HSPA12A: variants seen among roughly 807,000 people sequenced by gnomAD.
HSPA12A encodes heat shock protein family A (Hsp70) member 12A.
In HSPA12A, 28 loss-of-function variants were observed where a neutral mutation model predicts 69.2. That is an observed-to-expected ratio of 0.40 (90% CI 0.30 to 0.55). The LOEUF is 0.55. Ranked by LOEUF, HSPA12A falls within the 20% of genes least tolerant of loss-of-function variation. The probability of loss-of-function intolerance (pLI) is 0.38; values close to 1 mark genes in which losing one functional copy is unlikely to be tolerated. For synonymous variants in HSPA12A, 345 were observed against 370.5 expected, an observed-to-expected ratio of 0.93 and a Z score of 0.79; for missense variants, 686 against 900.7, an observed-to-expected ratio of 0.76 and a Z score of 3.05.
chr10:116,697,146 CTT>C (rs1849931208), intron 5 of HSPA12A, among the ~76,000 whole-genome samples: 1 of 152,228 alleles, frequency 6.6e-6, no homozygotes, highest in Non-Finnish European at 1.5e-5. Flanking sequence ...GTTCTCACTT[CTT>C]CTTTGTCTCC....
chr10:116,755,235 G>A (rs1843808363), intron 2 of HSPA12A, among the ~76,000 whole-genome samples: 1 of 152,142 alleles, frequency 6.6e-6, no homozygotes, highest in South Asian at 2.1e-4. Context: ...TTACAGGTGT[G>A]AGCCACTGCT....
At chr10:116,827,712 T>C (rs963591762) in intron 2 of HSPA12A, 1 of 152,324 alleles carries the variant, frequency 6.6e-6, no homozygotes, top group East Asian at 1.9e-4. Context: ...CAAGACGTCA[T>C]GAAGTGCTCC....
At chr10:116,850,722 G>A (rs1846054535), upstream of HSPA12A, among the ~76,000 whole-genome samples, 1 of 152,152 alleles carries the variant, frequency 6.6e-6, no homozygotes, top group Non-Finnish European at 1.5e-5. Context: ...AAGGGGAGAG[G>A]TGTGGGGTTT....
chr10:116,719,953 G>A (rs1424188714), intron 1 of HSPA12A, among the ~76,000 whole-genome samples: 1 of 152,178 alleles, frequency 6.6e-6, no homozygotes, highest in African/African-American at 2.4e-5. Context: ...GCAAAGAGCA[G>A]TGAAAAAGTA....
At chr10:116,850,097 G>T (rs1380300792), upstream of HSPA12A, 1 of 384,436 alleles carries the variant, frequency 2.6e-6, no homozygotes. Flanking sequence ...ATACCTTAAT[G>T]CCCTCAGCTC....
At chr10:116,745,135 C>T (rs1851620065), upstream of HSPA12A, among the ~76,000 whole-genome samples, 1 of 152,234 alleles carries the variant, frequency 6.6e-6, no homozygotes, top group Non-Finnish European at 1.5e-5. Context: ...TGCCTCGCCC[C>T]CACTGGGAAG....
Position 116,671,550 on chromosome 10 carries a change from C to T in HSPA12A, c.*3231G>A, listed in dbSNP as rs1211164420. On this transcript the variant is annotated 3_prime_UTR_variant, in exon 12 of 12. Coordinates refer to ENST00000369209, the MANE Select transcript of HSPA12A (RefSeq NM_025015.3). ...GATTCTTTGCTACCCTGGCAATTAA[C>T]CAGACCTGGACTCTAAAAGCTAAAC... The T allele has an allele frequency of 1.3e-5, 2 of 152,572 alleles. No individual in the cohort carries two copies. Among genetic ancestry groups the T allele is most frequent in the African/African-American group, 4.8e-5 (2 of 41,436 alleles). The allele number at this position is 152,572 out of a possible 1,614,324, so 9.5% of individuals were successfully genotyped here.
intron 1 of HSPA12A, among the ~76,000 whole-genome samples, chr10:116,732,966 G>C (rs1851206756): frequency 6.6e-6 from 1 of 152,174 alleles, no homozygotes; most frequent in Non-Finnish European, 1.5e-5. Context: ...TGTAAAATGA[G>C]AGGGTGGGCC....
At chr10:116,750,277 TG>T in intron 2 of HSPA12A, 1 of 816,332 alleles carries the variant, frequency 1.2e-6, no homozygotes. Flanking sequence ...TGGAGGTGAC[TG>T]GTGATGAATA....
intron 1 of HSPA12A, among the ~76,000 whole-genome samples, chr10:116,726,161 G>A (rs1554885005): frequency 6.6e-6 from 1 of 151,972 alleles, no homozygotes; most frequent in Non-Finnish European, 1.5e-5. Flanking sequence ...TCTGTCCCCT[G>A]GCATGTGGCA....
At chr10:116,711,738 A>G (rs1850438014) in intron 1 of HSPA12A, among the ~76,000 whole-genome samples, 1 of 141,892 alleles carries the variant, frequency 7.0e-6, no homozygotes, top group Non-Finnish European at 1.5e-5. Flanking sequence ...ATCTCGGCTC[A>G]CTGCAAGCTC....
chr10:116,819,319 C>A (rs1398794888), intron 2 of HSPA12A, among the ~76,000 whole-genome samples: 2 of 152,220 alleles, frequency 1.3e-5, no homozygotes, highest in Non-Finnish European at 2.9e-5. Flanking sequence ...CAGGGCAGAA[C>A]AGACAATTCC....
intron 1 of HSPA12A, among the ~76,000 whole-genome samples, chr10:116,715,051 C>T (rs1157092855): frequency 6.6e-6 from 1 of 152,196 alleles, no homozygotes; most frequent in African/African-American, 2.4e-5. Flanking sequence ...ACAAGAGAGA[C>T]AGGTTTCTCC....
At chr10:116,789,700 C>G (rs1844659079) in intron 2 of HSPA12A, among the ~76,000 whole-genome samples, 1 of 152,132 alleles carries the variant, frequency 6.6e-6, no homozygotes, top group Non-Finnish European at 1.5e-5. Flanking sequence ...GGTGCATCAT[C>G]CAGGATATTG....
chr10:116,740,581 T>G (rs1442292186), intron 1 of HSPA12A, among the ~76,000 whole-genome samples: 4 of 151,268 alleles, frequency 2.6e-5, no homozygotes, highest in Admixed American at 2.6e-4. Flanking sequence ...CGGTGGCAGG[T>G]GGCTCGGCAC....
chr10:116,747,346 G>A (rs1037156255), upstream of HSPA12A, among the ~76,000 whole-genome samples: 8 of 152,154 alleles, frequency 5.3e-5, no homozygotes, highest in South Asian at 8.3e-4. Context: ...AATATTTTTC[G>A]TAAGTATTTC....
At chr10:116,802,538 T>C (rs1323611872) in intron 2 of HSPA12A, among the ~76,000 whole-genome samples, 2 of 152,186 alleles carry the variant, frequency 1.3e-5, no homozygotes, top group Non-Finnish European at 2.9e-5. Flanking sequence ...AAGGGTCACT[T>C]TCACTTTGTT....
intron 1 of HSPA12A, among the ~76,000 whole-genome samples, chr10:116,714,195 C>T (rs1554883503): frequency 6.6e-6 from 1 of 152,042 alleles, no homozygotes; most frequent in African/African-American, 2.4e-5. Context: ...AAAGTGGACT[C>T]AGTGACTATC....
upstream of HSPA12A, among the ~76,000 whole-genome samples, chr10:116,746,094 A>T (rs1286932196): frequency 6.6e-6 from 1 of 152,046 alleles, no homozygotes; most frequent in African/African-American, 2.4e-5. Context: ...GATGGAAAAC[A>T]GCCTCCTCAG....
Sources: allele counts gnomAD v4.1 joint callset (sites outside exome capture counted in the v4.1 genomes callset), GRCh38; gene constraint gnomAD v4.1.1; transcripts MANE v1.5; gene names NCBI Gene and HGNC (gene_info 2026-07-23, HGNC 2026-07-21).